The following TMEM132D variants were observed in gnomAD, a reference collection of about 807,000 sequenced individuals.
TMEM132D encodes the protein transmembrane protein 132D, also known as mature OL transmembrane protein.
A neutral mutation model predicts 62.3 loss-of-function variants in TMEM132D; 21 were observed. The ratio of observed to expected loss-of-function variants is 0.34; its 90% CI spans 0.24 to 0.49. The LOEUF (loss-of-function observed/expected upper bound fraction) is 0.49, where lower values mean the gene tolerates loss of function less well. TMEM132D is among the 20% of genes least tolerant of loss of function. The pLI, the probability that TMEM132D is intolerant of heterozygous loss-of-function variation, is 0.99. For synonymous variants in TMEM132D, 621 were observed against 575.6 expected, an observed-to-expected ratio of 1.08 and a Z score of -1.13; for missense variants, 1,346 against 1,402.8, an observed-to-expected ratio of 0.96 and a Z score of 0.65.
chr12:129,169,554 T>C (rs1035470522), intron 5 of TMEM132D, among the ~76,000 whole-genome samples: 15 of 152,244 alleles, frequency 9.9e-5, no homozygotes, highest in Non-Finnish European at 2.1e-4. Flanking sequence ...TTTACTTGGT[T>C]GTTCTGTTAT....
intron 2 of TMEM132D, among the ~76,000 whole-genome samples, chr12:129,677,831 C>CTTT (rs869098260): frequency 8.5e-6 from 1 of 117,618 alleles, no homozygotes; most frequent in Non-Finnish European, 1.9e-5. Flanking sequence ...GTGATTTTGT[C>CTTT]TTTTTTTTTT....
chr12:129,758,653 C>T (rs1031996728), intron 1 of TMEM132D, among the ~76,000 whole-genome samples: 2 of 152,172 alleles, frequency 1.3e-5, no homozygotes, highest in Non-Finnish European at 2.9e-5. Flanking sequence ...CCTTTAATAA[C>T]AGATATGAAA....
At chr12:129,567,619 A>T (rs2097556658) in intron 2 of TMEM132D, among the ~76,000 whole-genome samples, 1 of 152,178 alleles carries the variant, frequency 6.6e-6, no homozygotes, top group Admixed American at 6.5e-5. Flanking sequence ...GACATTAAAG[A>T]CATTTACGAA....
intron 5 of TMEM132D, among the ~76,000 whole-genome samples, chr12:129,087,085 T>C (rs1435904642): frequency 6.6e-6 from 1 of 152,172 alleles, no homozygotes; most frequent in Non-Finnish European, 1.5e-5. Flanking sequence ...CCCCATCATG[T>C]ATTCAGCAGC....
Position 129,082,027 on chromosome 12 carries a change from G to C in TMEM132D, c.1655C>G (p.Ala552Gly), listed in dbSNP as rs371513296. ...ATCCTCCTCCTCTTCACTGTCCCCGGCAGGCCTGTGAAAGAAGCAGTGCAG... is the reference window on the plus strand; with the variant it reads ...ATCCTCCTCCTCTTCACTGTCCCCGCCAGGCCTGTGAAAGAAGCAGTGCAG... ...RVPIVSSRRP[A>G]GDSEEEEDDE... The change falls in exon 7 of 9, where the codon GCC becomes GGC. Residue 552 changes from alanine to glycine, a missense_variant. Coordinates refer to ENST00000422113, the MANE Select transcript of TMEM132D (RefSeq NM_133448.3). The C allele has an allele frequency of 6.2e-7, 1 of 1,601,478 alleles. No individual in the cohort carries two copies. Among genetic ancestry groups the C allele is most frequent in the Non-Finnish European group, 8.5e-7 (1 of 1,171,942 alleles).
At chr12:129,333,102 C>G (rs1656689875) in intron 4 of TMEM132D, among the ~76,000 whole-genome samples, 1 of 151,970 alleles carries the variant, frequency 6.6e-6, no homozygotes, top group Non-Finnish European at 1.5e-5. Context: ...GGGCAAAGAA[C>G]AAATGCTTAA....
At chr12:129,883,086 C>G (rs986827403) in intron 1 of TMEM132D, among the ~76,000 whole-genome samples, 5 of 152,096 alleles carry the variant, frequency 3.3e-5, no homozygotes, top group Non-Finnish European at 7.4e-5. Flanking sequence ...GGCATAAAGA[C>G]TGAAAAGCAA....
At chr12:129,332,749 G>A (rs1869149613) in intron 4 of TMEM132D, among the ~76,000 whole-genome samples, 1 of 152,298 alleles carries the variant, frequency 6.6e-6, no homozygotes, top group East Asian at 1.9e-4. Context: ...AAAAAAGTCT[G>A]ACCAGCAAAG....
At chr12:129,471,521 C>T (rs1874092437) in intron 3 of TMEM132D, among the ~76,000 whole-genome samples, 1 of 152,270 alleles carries the variant, frequency 6.6e-6, no homozygotes. Context: ...TCGGGCCTTC[C>T]TATTTCTGAC....
chr12:129,892,615 T>C (rs1368771132), intron 1 of TMEM132D, among the ~76,000 whole-genome samples: 1 of 152,234 alleles, frequency 6.6e-6, no homozygotes, highest in Non-Finnish European at 1.5e-5. Flanking sequence ...TTTGGATTTT[T>C]TTCCCAAGTA....
chr12:129,182,987 G>A (rs931863577), intron 5 of TMEM132D, among the ~76,000 whole-genome samples: 54 of 152,310 alleles, frequency 3.5e-4, no homozygotes, highest in African/African-American at 1.2e-3. Flanking sequence ...TGAGGGCTGA[G>A]GCTTCTCTCT....
At chr12:129,481,185 G>GA (rs1028648356) in intron 3 of TMEM132D, among the ~76,000 whole-genome samples, 8 of 151,422 alleles carry the variant, frequency 5.3e-5, no homozygotes, top group South Asian at 2.1e-4. Context: ...CAAAAAAAAA[G>GA]AAAAAAAAGA....
chr12:129,490,940 T>C (rs1009231574), intron 3 of TMEM132D, among the ~76,000 whole-genome samples: 1 of 152,128 alleles, frequency 6.6e-6, no homozygotes. Context: ...CCTACTCTGA[T>C]CCGGCACGTT....
intron 1 of TMEM132D, among the ~76,000 whole-genome samples, chr12:129,902,380 G>A (rs1875389305): frequency 6.6e-6 from 1 of 152,200 alleles, no homozygotes; most frequent in Non-Finnish European, 1.5e-5. Flanking sequence ...CAGGAAAGGG[G>A]CACGGGTGGG....
intron 4 of TMEM132D, among the ~76,000 whole-genome samples, chr12:129,291,108 G>A (rs948638432): frequency 6.6e-6 from 1 of 152,152 alleles, no homozygotes; most frequent in Non-Finnish European, 1.5e-5. Context: ...CAGGTATCTG[G>A]ACTAAATCCT....
chr12:129,359,666 A>G lies in TMEM132D; in HGVS notation c.1116-21849T>C, dbSNP rs1364834329. 2.6e-5 allele frequency among the ~76,000 whole-genome samples: 4 copies of G among 152,234 alleles called. No homozygotes were observed. The South Asian group carries it at 8.3e-4, about 32-fold the overall frequency. On this transcript the variant is annotated intron_variant, in intron 3 of 8. Transcript: ENST00000422113. Reference sequence around the variant, plus strand: ...GGCCTTAACTGTATAAGAAATGGAAAATTATTAAAACTTTAAAAATAACCA... The same window carrying G: ...GGCCTTAACTGTATAAGAAATGGAAGATTATTAAAACTTTAAAAATAACCA...
intron 5 of TMEM132D, among the ~76,000 whole-genome samples, chr12:129,126,004 C>CG (rs1279638004): frequency 4.6e-5 from 7 of 152,100 alleles, no homozygotes; most frequent in Non-Finnish European, 8.8e-5. Flanking sequence ...AGAACATTCC[C>CG]GGGGGGCCAG....
At chr12:129,151,880 CT>C (rs11384544) in intron 5 of TMEM132D, among the ~76,000 whole-genome samples, 5,281 of 133,406 alleles carry the variant, frequency 0.04, 173 homozygotes, top group East Asian at 0.12. Flanking sequence ...GTGATTCAAC[CT>C]TTTTTTTTTT....
chr12:129,361,731 A>G (rs1870254543), intron 3 of TMEM132D, among the ~76,000 whole-genome samples: 1 of 152,242 alleles, frequency 6.6e-6, no homozygotes, highest in African/African-American at 2.4e-5. Flanking sequence ...GTCATATTTA[A>G]TAAAAACAGT....
Sources: gnomAD v4.1 joint callset for allele counts (sites outside exome capture counted in the v4.1 genomes callset) on GRCh38, gnomAD v4.1.1 for gene constraint, MANE v1.5 for transcripts, NCBI Gene and HGNC (gene_info 2026-07-23, HGNC 2026-07-21) for gene names.